Variants in USP11 observed in about 807,000 individuals in gnomAD.
USP11 encodes the protein ubiquitin specific peptidase 11.
A neutral mutation model predicts 72.8 loss-of-function variants in USP11; 5 were observed. The observed-to-expected ratio is 0.07, with a 90% CI of 0.04 to 0.14. The LOEUF is 0.14. Ranked by LOEUF, USP11 falls within the 10% of genes least tolerant of loss-of-function variation. The probability of loss-of-function intolerance (pLI) is 1.00; values close to 1 mark genes in which losing one functional copy is unlikely to be tolerated. For synonymous variants in USP11, 368 were observed against 326.5 expected, an observed-to-expected ratio of 1.13 and a Z score of -1.37; for missense variants, 480 against 794.7, an observed-to-expected ratio of 0.60 and a Z score of 4.76.
chrX:47,242,211 C>G lies in USP11; in HGVS notation c.1309C>G (p.Pro437Ala). Residue 437 changes from proline (P) to alanine (A), a missense_variant, in exon 10 of 21, where the codon CCC becomes GCC. By Grantham distance (27) the Pro-to-Ala change is conservative. Transcript: ENST00000377107. ...TGGCAATGTATCTGTGACCTTCGAC[C>G]CCTTCTGCTACCTCAGTGTTCCACT... ...DCGNVSVTFD[P>A]FCYLSVPLPI... The G allele has an allele frequency of 8.3e-7, 1 of 1,211,985 alleles. No homozygotes were observed. The highest frequency in any genetic ancestry group is 1.1e-6 in the Non-Finnish European group (1 of 895,520).
At position 47,233,076 on chromosome X, in the gene USP11, T is replaced by G. The variant is rs918867462; in HGVS notation, c.33T>G (p.Ala11=). The G allele has an allele frequency of 7.5e-6, 9 of 1,205,260 alleles. No individual in the cohort carries two copies. The highest frequency in any genetic ancestry group is 2.4e-4 in the Middle Eastern group (1 of 4,238). The change falls in exon 1 of 21, where the codon GCT becomes GCG. Residue 11 remains alanine, a synonymous_variant. Transcript: ENST00000377107. ...CGGTCGCAGCAAATCCAGCTGCTGCTGCGGCGGCTGTGGCGGCGGCAGCGG... is the reference window on the plus strand; with the variant it reads ...CGGTCGCAGCAAATCCAGCTGCTGCGGCGGCGGCTGTGGCGGCGGCAGCGG... MATVAANPAA[A]AAAVAAAAAV... is the part of the protein sequence containing the mutation.
chrX:47,233,415 C>T lies in USP11; in HGVS notation c.176+196C>T, dbSNP rs906348116. 1.1e-5 allele frequency: 12 copies of T among 1,073,043 alleles called. No individual in the cohort carries two copies. In the Admixed American group the frequency reaches 4.8e-4, roughly 42 times the overall value. The allele number at this position is 1,073,043 out of a possible 1,213,427, so 88.4% of individuals were successfully genotyped here. A position where few individuals can be genotyped will look rare whatever the true frequency, so the allele number is the denominator to read the frequency against. ...GCAACGTCTGGAAAAGGGGCGGGGC[C>T]TGTGTGGTGCAGTCTGACGCCTGAG... On this transcript the variant is annotated intron_variant, in intron 1 of 20. Coordinates refer to ENST00000377107, the MANE Select transcript of USP11 (RefSeq NM_001371072.1).
intron 13 of USP11, among the ~76,000 whole-genome samples, chrX:47,244,078 A>G (rs1482201916): frequency 9.2e-6 from 1 of 108,833 alleles, no homozygotes; most frequent in Non-Finnish European, 1.9e-5. Context: ...TTATTAGAGT[A>G]AAAGTCCACG....
intron 1 of USP11, chrX:47,233,521 A>G (rs2055356133): frequency 1.1e-6 from 1 of 930,084 alleles, no homozygotes. Flanking sequence ...CTGCGTAGGA[A>G]CCTGGGAAGA....
intron 12 of USP11, 48 bp downstream of exon 12, chrX:47,242,768 A>G: frequency 2.0e-6 from 2 of 1,017,197 alleles, no homozygotes; most frequent in Non-Finnish European, 2.8e-6. Flanking sequence ...AACTTGGTCC[A>G]CTTCCTTTTG....
At chrX:47,245,124 C>T (rs1408004724) in intron 16 of USP11, 38 bp downstream of exon 16, 2 of 1,187,818 alleles carry the variant, frequency 1.7e-6, no homozygotes, top group East Asian at 3.0e-5. Context: ...ACTTCCAGCT[C>T]TTGCCCCTCA....
In USP11 at chrX:47,241,734, T is replaced by C. The variant is rs780248890; in HGVS notation, c.1179+35T>C. Reference sequence around the variant, plus strand: ...CCCCGCATTTGCAGTCCAATTAACATCACCAAGGCCTCTGCCTCGGGGATT... The same window carrying C: ...CCCCGCATTTGCAGTCCAATTAACACCACCAAGGCCTCTGCCTCGGGGATT... On this transcript the variant is annotated intron_variant, in intron 9 of 20. Coordinates refer to ENST00000377107, the MANE Select transcript of USP11 (RefSeq NM_001371072.1). 3.2e-5 allele frequency: 37 copies of C among 1,153,116 alleles called. No individual in the cohort carries two copies. In the Admixed American group the frequency reaches 7.6e-4, roughly 24 times the overall value.
chrX:47,243,679 A>C, intron 13 of USP11, 77 bp downstream of exon 13: 1 of 958,176 alleles, frequency 1.0e-6, no homozygotes, highest in Non-Finnish European at 1.5e-6. Context: ...CTTATTTGAC[A>C]CCTCCCCTGT....
chrX:47,244,672 C>T lies in USP11; in HGVS notation c.1844-10C>T. 1.2e-5 allele frequency: 14 copies of T among 1,207,598 alleles called. No individual in the cohort carries two copies. Among genetic ancestry groups the T allele is most frequent in the Non-Finnish European group, 1.6e-5 (14 of 893,129 alleles). ...CACACCTTCCCATCTCTGACATCCT[C>T]CTGTCCTAGAAGATGACGAGGAGGA... On this transcript the variant is annotated splice_polypyrimidine_tract_variant and intron_variant, in intron 14 of 20. Transcript: ENST00000377107.
rs201245245 is a variant in USP11, at chrX:47,247,144, C to T, written c.2343C>T (p.Leu781=). 9 of 1,209,784 alleles carry T rather than the reference C, an allele frequency of 7.4e-6. 1 individual carries two copies. In the East Asian group the frequency reaches 2.7e-4, roughly 36 times the overall value. Residue 781 remains leucine (L), a synonymous_variant, in exon 18 of 21, where the codon CTC becomes CTT. Transcript: ENST00000377107. ...ACCTGTGGATGCTGCCGGAGATTCT[C>T]ATCATCCACCTGAAACGCTTTTCCT... ...KLDLWMLPEI[L]IIHLKRFSYT...
Position 47,246,707 on chromosome X carries a change from C to T in USP11, c.2271-365C>T, listed in dbSNP as rs757249613. Among the ~76,000 whole-genome samples the T allele has an allele frequency of 2.7e-5, 3 of 110,315 alleles. No homozygotes were observed. In the East Asian group the frequency reaches 8.5e-4, roughly 31 times the overall value. On this transcript the variant is annotated intron_variant, in intron 17 of 20. Transcript: ENST00000377107. ...GGCACGTGAGAGGCAGTACAAAGGGCGCACAGTAGGTGCTCAGAAAAAGTC... is the reference window on the plus strand; with the variant it reads ...GGCACGTGAGAGGCAGTACAAAGGGTGCACAGTAGGTGCTCAGAAAAAGTC...
At chrX:47,244,607 G>A in intron 14 of USP11, 57 bp downstream of exon 14, 2 of 1,205,653 alleles carry the variant, frequency 1.7e-6, no homozygotes, top group East Asian at 3.0e-5. Context: ...ACCCACGTAG[G>A]GTTCGTCTAG....
Position 47,240,571 on chromosome X carries a change from T to G in USP11, c.682-16T>G. The G allele has an allele frequency of 1.7e-6, 2 of 1,211,649 alleles. No individual in the cohort carries two copies. The highest frequency in any genetic ancestry group is 2.2e-6 in the Non-Finnish European group (2 of 895,384). On this transcript the variant is annotated splice_polypyrimidine_tract_variant and intron_variant, in intron 5 of 20. Coordinates refer to ENST00000377107, the MANE Select transcript of USP11 (RefSeq NM_001371072.1). ...CTCCATTAATACCTTTCCTTCTTTC[T>G]CTTTCTCCAACCCAGTTGATCATCA...
intron 10 of USP11, 54 bp downstream of exon 10, chrX:47,242,360 AGC>A: frequency 2.5e-6 from 3 of 1,202,268 alleles, no homozygotes; most frequent in Non-Finnish European, 3.4e-6. Flanking sequence ...GAGTTTGATT[AGC>A]TGCCATAGCT....
At chrX:47,245,296 G>A (rs951265370) in intron 16 of USP11, 74 bp from the exon 17 acceptor site, 14 of 1,016,285 alleles carry the variant, frequency 1.4e-5, no homozygotes, top group African/African-American at 9.4e-5. Flanking sequence ...TGTCTCCCCC[G>A]CTGGGCCCCC....
At chrX:47,243,684 C>T in intron 13 of USP11, 82 bp downstream of exon 13, 1 of 938,702 alleles carries the variant, frequency 1.1e-6, no homozygotes. Context: ...TTGACACCTC[C>T]CCTGTAACAA....
intron 17 of USP11, among the ~76,000 whole-genome samples, chrX:47,246,484 A>G (rs142883539): frequency 2.8e-3 from 311 of 112,373 alleles, no homozygotes; most frequent in African/African-American, 9.9e-3. Context: ...AGGAAACTAG[A>G]AGGATAGAGG....
chrX:47,236,171 AAAAATT>A (rs2147348844), intron 1 of USP11, among the ~76,000 whole-genome samples: 1 of 112,353 alleles, frequency 8.9e-6, no homozygotes, highest in Non-Finnish European at 1.9e-5. Context: ...ACCTCATTAA[AAAAATT>A]ACCACACCAG....
At chrX:47,234,329 C>G (rs2055361538) in intron 1 of USP11, among the ~76,000 whole-genome samples, 1 of 111,249 alleles carries the variant, frequency 9.0e-6, no homozygotes, top group African/African-American at 3.3e-5. Flanking sequence ...TCGATTGGAT[C>G]CTGGAACAGA....
Sources: gnomAD v4.1 joint callset for allele counts (sites outside exome capture counted in the v4.1 genomes callset) on GRCh38, gnomAD v4.1.1 for gene constraint, MANE v1.5 for transcripts, NCBI Gene and HGNC (gene_info 2026-07-23, HGNC 2026-07-21) for gene names.